FBN2: variants seen among roughly 807,000 people sequenced by gnomAD.
FBN2 encodes the protein fibrillin 2.
In FBN2, 105 loss-of-function variants were observed where a neutral mutation model predicts 355.6. The observed-to-expected ratio is 0.30, with a 90% CI of 0.25 to 0.35. The LOEUF (loss-of-function observed/expected upper bound fraction) is 0.35, where lower values mean the gene tolerates loss of function less well. FBN2 is among the 10% of genes least tolerant of loss of function. The pLI is 1.00. For synonymous variants in FBN2, 1,350 were observed against 1,301.2 expected (o/e 1.04, Z -0.81); for missense variants, 3,280 against 3,758.7 (o/e 0.87, Z 3.33).
chr5:128,271,400 C>T (rs1765263449), intron 62 of FBN2, among the ~76,000 whole-genome samples: 1 of 152,174 alleles, frequency 6.6e-6, no homozygotes, highest in South Asian at 2.1e-4. Flanking sequence ...TCTCTTTGAT[C>T]AATCACTCCT....
intron 18 of FBN2, 23 bp from the exon 19 acceptor site, chr5:128,361,871 A>G: frequency 1.2e-6 from 2 of 1,612,006 alleles, no homozygotes; most frequent in Non-Finnish European, 1.7e-6. Flanking sequence ...ATTGAAAGAT[A>G]GGAGATACAC....
chr5:128,495,693 A>G lies in FBN2; in HGVS notation c.628+23580T>C, dbSNP rs140707773. Reference sequence around the variant, plus strand: ...TAGAAAATAGAAAAGTAAGAGAAAAATCAACAAAATCAAAAGGTGGTTCTC... The same window carrying G: ...TAGAAAATAGAAAAGTAAGAGAAAAGTCAACAAAATCAAAAGGTGGTTCTC... On this transcript the variant is annotated intron_variant, in intron 5 of 64. Coordinates refer to ENST00000262464, the MANE Select transcript of FBN2 (RefSeq NM_001999.4). Among the ~76,000 whole-genome samples, 939 of 152,194 alleles carry G rather than the reference A, an allele frequency of 6.2e-3. 10 individuals carry two copies. The highest frequency in any genetic ancestry group is 0.021 in the African/African-American group (856 of 41,552).
At chr5:128,291,409 G>T in intron 49 of FBN2, 120 bp downstream of exon 49, 1 of 1,133,674 alleles carries the variant, frequency 8.8e-7, no homozygotes, top group Non-Finnish European at 1.3e-6. Context: ...TTTTTAACTT[G>T]CAGATGTATT....
chr5:128,432,772 T>G (rs748492910), intron 7 of FBN2, among the ~76,000 whole-genome samples: 10 of 152,280 alleles, frequency 6.6e-5, no homozygotes, highest in Non-Finnish European at 1.2e-4. Context: ...GGGTGTTGTA[T>G]TAGTCTGTTT....
At chr5:128,493,445 A>T (rs1056157108) in intron 5 of FBN2, among the ~76,000 whole-genome samples, 3 of 152,196 alleles carry the variant, frequency 2.0e-5, no homozygotes, top group Non-Finnish European at 2.9e-5. Context: ...AGTGTTTCAG[A>T]CACTGGGTAA....
Position 128,330,565 on chromosome 5 carries a change from T to A in FBN2, c.4345+8A>T. 1 of 1,614,054 alleles carries A rather than the reference T, an allele frequency of 6.2e-7. No individual in the cohort carries two copies. Among genetic ancestry groups the A allele is most frequent in the Non-Finnish European group, 8.5e-7 (1 of 1,179,938 alleles). On this transcript the variant is annotated splice_region_variant and intron_variant, in intron 33 of 64. Coordinates refer to ENST00000262464, the MANE Select transcript of FBN2 (RefSeq NM_001999.4). ...CCCGTCAGAGCACACCTCAGGACTG[T>A]CACCCACCTGAGCAGGTAAAGCCAT...
At chr5:128,442,782 C>CAG (rs1274060382) in intron 7 of FBN2, among the ~76,000 whole-genome samples, 5 of 151,868 alleles carry the variant, frequency 3.3e-5, no homozygotes, top group African/African-American at 7.3e-5. Context: ...CATACACACA[C>CAG]AGAGAGAGAG....
chr5:128,388,063 T>G (rs1467418776), intron 11 of FBN2, among the ~76,000 whole-genome samples: 1 of 152,226 alleles, frequency 6.6e-6, no homozygotes, highest in African/African-American at 2.4e-5. Context: ...TAGGGAAATC[T>G]TTTGTTGCAC....
chr5:128,421,691 A>C (rs147484324), intron 7 of FBN2, among the ~76,000 whole-genome samples: 151 of 152,296 alleles, frequency 9.9e-4, no homozygotes, highest in African/African-American at 3.5e-3. Context: ...GGTAAGTCCT[A>C]AGGGGATATA....
chr5:128,397,829 C>T (rs752968057), intron 8 of FBN2, among the ~76,000 whole-genome samples: 59 of 152,208 alleles, frequency 3.9e-4, no homozygotes, highest in Non-Finnish European at 6.5e-4. Flanking sequence ...CTGATAGTTT[C>T]ACAGTGCCCG....
intron 19 of FBN2, 123 bp downstream of exon 19, chr5:128,361,600 A>G: frequency 8.0e-7 from 1 of 1,248,256 alleles, no homozygotes. Flanking sequence ...TAGCTAAATG[A>G]GATTATAAAA....
chr5:128,369,649 C>T (rs1385372470), intron 15 of FBN2, among the ~76,000 whole-genome samples: 1 of 152,132 alleles, frequency 6.6e-6, no homozygotes, highest in Non-Finnish European at 1.5e-5. Context: ...ATAAAGAATA[C>T]TTGGAGCTCT....
At chr5:128,305,374 T>C in intron 44 of FBN2, 137 bp downstream of exon 44, 1 of 982,110 alleles carries the variant, frequency 1.0e-6, no homozygotes, top group Non-Finnish European at 1.6e-6. Flanking sequence ...ATCTAAAAGA[T>C]ATGGTGAAAT....
At chr5:128,367,364 G>T (rs1314870766) in intron 16 of FBN2, among the ~76,000 whole-genome samples, 1 of 151,640 alleles carries the variant, frequency 6.6e-6, no homozygotes, top group Non-Finnish European at 1.5e-5. Flanking sequence ...ACGGAGAGTG[G>T]GCATCTTTTT....
intron 2 of FBN2, among the ~76,000 whole-genome samples, chr5:128,535,491 A>G (rs1406506133): frequency 6.6e-6 from 1 of 152,178 alleles, no homozygotes; most frequent in Non-Finnish European, 1.5e-5. Flanking sequence ...GCTGTCTATG[A>G]TACCTGGCTC....
At chr5:128,398,415 A>G (rs1752707231) in intron 8 of FBN2, among the ~76,000 whole-genome samples, 1 of 151,054 alleles carries the variant, frequency 6.6e-6, no homozygotes. Context: ...ATATATTTAA[A>G]GCAATTCAAG....
rs578077274 is a variant in FBN2, at chr5:128,383,870, T to C, written c.1604-4980A>G. 5.9e-4 allele frequency among the ~76,000 whole-genome samples: 90 copies of C among 152,210 alleles called. 1 individual carries two copies. In the South Asian group the frequency reaches 0.018, roughly 31 times the overall value. ...ATACACTGCTGCTAGAAATGTAAAA[T>C]AGCACATTTTGGCAGTTTCTTAAAT... On this transcript the variant is annotated intron_variant, in intron 11 of 64. Transcript: ENST00000262464.
Position 128,278,626 on chromosome 5 carries a change from A to C in FBN2, c.7345+9T>G, listed in dbSNP as rs1212635601. On this transcript the variant is annotated intron_variant, in intron 57 of 64. Transcript: ENST00000262464. ...TTGATTATATGAATAAATTTCCTCAACTCCTTACCTCTTCCATCAGTTGTA... is the reference window on the plus strand; with the variant it reads ...TTGATTATATGAATAAATTTCCTCACCTCCTTACCTCTTCCATCAGTTGTA... 1 of 1,612,024 alleles carries C rather than the reference A, an allele frequency of 6.2e-7. No homozygotes were observed. Among genetic ancestry groups the C allele is most frequent in the Non-Finnish European group, 8.5e-7 (1 of 1,178,358 alleles).
At chr5:128,426,943 CT>C (rs1753498777) in intron 7 of FBN2, among the ~76,000 whole-genome samples, 1 of 152,210 alleles carries the variant, frequency 6.6e-6, no homozygotes, top group African/African-American at 2.4e-5. Context: ...AGCACTTGGA[CT>C]TCTCTAGCAA....
Sources: gnomAD v4.1 joint callset for allele counts (sites outside exome capture counted in the v4.1 genomes callset) on GRCh38, gnomAD v4.1.1 for gene constraint, MANE v1.5 for transcripts, NCBI Gene and HGNC (gene_info 2026-07-23, HGNC 2026-07-21) for gene names.